HFM1: variants seen among roughly 807,000 people sequenced by gnomAD.
HFM1 encodes the protein probable ATP-dependent DNA helicase HFM1.
In HFM1, 169 loss-of-function variants were observed where a neutral mutation model predicts 192.1. The observed-to-expected ratio is 0.88, with a 90% CI of 0.78 to 1.00. The LOEUF (loss-of-function observed/expected upper bound fraction) is 1.00, where lower values mean the gene tolerates loss of function less well. HFM1 is among the 50% of genes least tolerant of loss of function. The pLI, the probability that HFM1 is intolerant of heterozygous loss-of-function variation, is 0.00. For synonymous variants in HFM1, 525 were observed against 537.8 expected, an observed-to-expected ratio of 0.98 and a Z score of 0.33; for missense variants, 1,661 against 1,668.0, an observed-to-expected ratio of 1.00 and a Z score of 0.07.
intron 5 of HFM1, 43 bp from the exon 6 acceptor site, chr1:91,385,277 A>G: frequency 8.5e-7 from 1 of 1,171,258 alleles, no homozygotes; most frequent in African/African-American, 1.6e-5. Flanking sequence ...ATCAAAAAAA[A>G]ATTAATGGTC....
chr1:91,324,017 T>C (rs1218486085), intron 21 of HFM1, among the ~76,000 whole-genome samples: 1 of 152,200 alleles, frequency 6.6e-6, no homozygotes, highest in Middle Eastern at 3.2e-3. Context: ...TTTATGAATA[T>C]TGTTTCATAT....
intron 11 of HFM1, among the ~76,000 whole-genome samples, chr1:91,376,023 T>C (rs185107097): frequency 2.1e-4 from 32 of 152,130 alleles, no homozygotes; most frequent in Middle Eastern, 3.4e-3. Flanking sequence ...ATCAATTTTG[T>C]CATAGAGGCC....
chr1:91,370,443 A>T (rs552326868), intron 13 of HFM1, among the ~76,000 whole-genome samples: 6 of 152,340 alleles, frequency 3.9e-5, no homozygotes, highest in African/African-American at 1.4e-4. Flanking sequence ...AACACACGAA[A>T]ATCAATACAC....
At position 91,382,622 on chromosome 1, in the gene HFM1, A is replaced by G. The variant is rs117233997; in HGVS notation, c.803-1640T>C. On this transcript the variant is annotated intron_variant, in intron 6 of 38. Transcript: ENST00000370425. The stretch of plus-strand genomic sequence containing the variant: ...TGAAAATCCATCAGCTTTAGAAGGA[A>G]TCTCAATTTTCCTTCAAAACATGTC... 3.5e-3 allele frequency among the ~76,000 whole-genome samples: 530 copies of G among 152,320 alleles called. 31 individuals carry two copies. The East Asian group carries it at 0.086, about 25-fold the overall frequency.
intron 19 of HFM1, among the ~76,000 whole-genome samples, chr1:91,344,069 T>A (rs572360611): frequency 2.6e-5 from 4 of 152,332 alleles, no homozygotes; most frequent in African/African-American, 9.6e-5. Context: ...TTTGCCACTT[T>A]CTTGAAGCAA....
intron 33 of HFM1, among the ~76,000 whole-genome samples, chr1:91,274,152 A>G (rs773910575): frequency 6.6e-6 from 1 of 151,966 alleles, no homozygotes; most frequent in Non-Finnish European, 1.5e-5. Flanking sequence ...AATTACATAT[A>G]TGATTGTCCT....
chr1:91,287,501 A>G (rs447576), intron 30 of HFM1, among the ~76,000 whole-genome samples: 53,396 of 151,726 alleles, frequency 0.35, 10,115 homozygotes, highest in East Asian at 0.52. Context: ...CATCCACACC[A>G]AAAACCCATC....
In HFM1 at chr1:91,274,747, G is replaced by C. The variant is rs781519876; in HGVS notation, c.3651C>G (p.Ser1217=). The part of the protein sequence containing the change: ...LKEFGFTPKP[S]LPSISRSEYL... ...ATTTGTACCTTGATATACTAGGAAG[G>C]GAAGGTTTTGGAGTAAAACCAAACT... The change falls in exon 33 of 39, where the codon TCC becomes TCG. Residue 1217 remains serine (S), a synonymous_variant. Coordinates refer to ENST00000370425, the MANE Select transcript of HFM1 (RefSeq NM_001017975.6). 6.5e-7 allele frequency: 1 copy of C among 1,534,714 alleles called. No homozygotes were observed. Among genetic ancestry groups the C allele is most frequent in the Non-Finnish European group, 9.0e-7 (1 of 1,110,510 alleles).
Position 91,385,247 on chromosome 1 carries a change from T to A in HFM1, c.755-13A>T. The A allele has an allele frequency of 6.9e-7, 1 of 1,451,834 alleles. No homozygotes were observed. The highest frequency in any genetic ancestry group is 9.6e-7 in the Non-Finnish European group (1 of 1,044,058). 89.9% of individuals were successfully genotyped at this position (1,451,834 alleles called of 1,614,324 possible). A position where few individuals can be genotyped will look rare whatever the true frequency, so the allele number is the denominator to read the frequency against. On this transcript the variant is annotated splice_polypyrimidine_tract_variant and intron_variant, in intron 5 of 38. Transcript: ENST00000370425. ...TTTTCTGTTACCTCTGAAAAAAAAA[T>A]GCTACATATTTATATAAATATCAAA... is the stretch of plus-strand genomic sequence containing the variant.
chr1:91,389,785 A>G (rs1557516547), intron 4 of HFM1, among the ~76,000 whole-genome samples: 1 of 152,198 alleles, frequency 6.6e-6, no homozygotes, highest in Non-Finnish European at 1.5e-5. Flanking sequence ...TCACATACCC[A>G]GTAGGATGGC....
intron 34 of HFM1, among the ~76,000 whole-genome samples, chr1:91,268,164 A>C (rs1665941284): frequency 6.6e-6 from 1 of 151,998 alleles, no homozygotes; most frequent in Admixed American, 6.6e-5. Context: ...TAACTGTATA[A>C]AGTTGCACTA....
At chr1:91,380,299 G>C in intron 7 of HFM1, 63 bp from the exon 8 acceptor site, 1 of 1,024,572 alleles carries the variant, frequency 9.8e-7, no homozygotes, top group Non-Finnish European at 1.4e-6. Flanking sequence ...TTCTCAATTT[G>C]TTAAAAAAAA....
At chr1:91,345,223 T>A (rs1249656261) in intron 19 of HFM1, among the ~76,000 whole-genome samples, 1 of 152,158 alleles carries the variant, frequency 6.6e-6, no homozygotes, top group African/African-American at 2.4e-5. Context: ...AAAGTTAATA[T>A]TTGAACAGAG....
At position 91,364,632 on chromosome 1, in the gene HFM1, A is replaced by ATATT. The variant is rs753472335; in HGVS notation, c.1685+10725_1685+10726insAATA. ...CATATATATATATATATATATATAT[A>ATATT]TTTTTTTTTTTTTTTTGAGACAGAG... On this transcript the variant is annotated intron_variant, in intron 13 of 38. Coordinates refer to ENST00000370425, the MANE Select transcript of HFM1 (RefSeq NM_001017975.6). Among the ~76,000 whole-genome samples the ATATT allele has an allele frequency of 7.7e-3, 516 of 66,742 alleles. 9 individuals are homozygous for ATATT. Among genetic ancestry groups the ATATT allele is most frequent in the East Asian group, 0.026 (53 of 2,004 alleles). The allele number at this position is 66,742 out of a possible 152,430, so 43.8% of individuals were successfully genotyped here.
Position 91,260,913 on chromosome 1 carries a change from A to T in HFM1, c.*377T>A, listed in dbSNP as rs1359204689. The T allele has an allele frequency of 6.5e-6, 1 of 154,210 alleles. No individual in the cohort carries two copies. Among genetic ancestry groups the T allele is most frequent in the Non-Finnish European group, 1.4e-5 (1 of 69,374 alleles). 9.6% of individuals were successfully genotyped at this position (154,210 alleles called of 1,614,324 possible). A position where few individuals can be genotyped will look rare whatever the true frequency, so the allele number is the denominator to read the frequency against. On this transcript the variant is annotated 3_prime_UTR_variant, in exon 39 of 39. Transcript: ENST00000370425. ...ATACAATAAGCAGATTCATTAAGTT[A>T]GCATTACTTTGCTTTCATAGAATAT...
At chr1:91,302,557 G>A (rs1043857988) in intron 30 of HFM1, among the ~76,000 whole-genome samples, 9 of 152,072 alleles carry the variant, frequency 5.9e-5, no homozygotes, top group African/African-American at 2.2e-4. Flanking sequence ...TGATAGACTG[G>A]ATTAAGACAA....
chr1:91,294,168 T>C (rs896199986), intron 30 of HFM1, among the ~76,000 whole-genome samples: 1 of 151,488 alleles, frequency 6.6e-6, no homozygotes, highest in Non-Finnish European at 1.5e-5. Context: ...CCTGCACATT[T>C]TGCACATGTA....
intron 3 of HFM1, among the ~76,000 whole-genome samples, chr1:91,395,304 T>C (rs560060377): frequency 6.6e-6 from 1 of 152,264 alleles, no homozygotes; most frequent in East Asian, 1.9e-4. Context: ...AGGAGTTTAA[T>C]AGTCACAGAA....
chr1:91,286,788 G>A (rs1668020081), intron 30 of HFM1, among the ~76,000 whole-genome samples: 1 of 152,316 alleles, frequency 6.6e-6, no homozygotes. Flanking sequence ...GTGGGCACAG[G>A]TCAGTGGGTG....
Sources: allele counts gnomAD v4.1 joint callset (sites outside exome capture counted in the v4.1 genomes callset), GRCh38; gene constraint gnomAD v4.1.1; transcripts MANE v1.5; gene names NCBI Gene and HGNC (gene_info 2026-07-23, HGNC 2026-07-21).